The following PPFIA2 variants were observed in gnomAD, a reference collection of about 807,000 sequenced individuals.
PPFIA2 encodes the protein liprin-alpha-2.
In PPFIA2, 46 loss-of-function variants were observed where a neutral mutation model predicts 175.5. That is an observed-to-expected ratio of 0.26 (90% CI 0.21 to 0.34). The LOEUF is 0.34. Among genes scored for constraint, PPFIA2 ranks in the 10% least tolerant of loss-of-function variants. PPFIA2 has a pLI of 1.00. For missense variants in PPFIA2, 1,179 were observed against 1,506.1 expected (o/e 0.78, Z 3.60); for synonymous variants, 568 against 511.4 (o/e 1.11, Z -1.49).
chr12:81,630,881 C>CTATATATA (rs67242917), intron 4 of PPFIA2, among the ~76,000 whole-genome samples: 1 of 140,678 alleles, frequency 7.1e-6, no homozygotes, highest in South Asian at 2.3e-4. Flanking sequence ...TATGGAAAGG[C>CTATATATA]TATATATATA....
intron 26 of PPFIA2, 37 bp from the exon 27 acceptor site, chr12:81,281,487 A>G: frequency 2.1e-6 from 3 of 1,400,236 alleles, no homozygotes; most frequent in Non-Finnish European, 3.0e-6. Context: ...TTCTTAACCA[A>G]TCAGATAAGA....
chr12:81,713,239 T>C (rs2078181511), intron 3 of PPFIA2, among the ~76,000 whole-genome samples: 1 of 151,002 alleles, frequency 6.6e-6, no homozygotes, highest in African/African-American at 2.4e-5. Flanking sequence ...AAAGCAAACT[T>C]ATGAGGCTGG....
chr12:81,753,864 T>G, intron 3 of PPFIA2, 109 bp downstream of exon 3: 1 of 1,351,326 alleles, frequency 7.4e-7, no homozygotes, highest in African/African-American at 1.5e-5. Flanking sequence ...CACCAAAACG[T>G]GTGTATCACA....
intron 4 of PPFIA2, among the ~76,000 whole-genome samples, chr12:81,506,610 T>C (rs2061198377): frequency 1.3e-5 from 2 of 152,230 alleles, no homozygotes; most frequent in Non-Finnish European, 2.9e-5. Context: ...TTTATCTTTT[T>C]CTTGAAACTA....
intron 4 of PPFIA2, among the ~76,000 whole-genome samples, chr12:81,568,540 C>T (rs2071818053): frequency 6.6e-6 from 1 of 152,120 alleles, no homozygotes; most frequent in Admixed American, 6.5e-5. Flanking sequence ...CATGGCTGGC[C>T]CAATTGCAGG....
intron 22 of PPFIA2, among the ~76,000 whole-genome samples, chr12:81,317,086 A>C (rs190561766): frequency 2.1e-3 from 324 of 151,824 alleles, no homozygotes; most frequent in African/African-American, 7.5e-3. Flanking sequence ...ACAACTAATC[A>C]ATGTGATTAT....
At chr12:81,671,950 T>C (rs1448564951) in intron 4 of PPFIA2, among the ~76,000 whole-genome samples, 3 of 151,990 alleles carry the variant, frequency 2.0e-5, no homozygotes, top group Non-Finnish European at 2.9e-5. Flanking sequence ...CTTGCTTTCA[T>C]CTCATCTTGT....
At chr12:81,612,530 T>A (rs1416367847) in intron 4 of PPFIA2, among the ~76,000 whole-genome samples, 1 of 152,200 alleles carries the variant, frequency 6.6e-6, no homozygotes, top group East Asian at 1.9e-4. Context: ...TACCTCAGTC[T>A]TTCTTCCAAG....
intron 3 of PPFIA2, among the ~76,000 whole-genome samples, chr12:81,735,905 C>T (rs974562818): frequency 3.7e-4 from 56 of 151,882 alleles, no homozygotes; most frequent in African/African-American, 1.2e-3. Context: ...CGGGGTTATT[C>T]TTGTACTCTC....
At chr12:81,718,850 C>T (rs1363126195) in intron 3 of PPFIA2, among the ~76,000 whole-genome samples, 4 of 151,536 alleles carry the variant, frequency 2.6e-5, no homozygotes, top group African/African-American at 9.7e-5. Flanking sequence ...CACTGTCTGA[C>T]GTTGGCTTGG....
At chr12:81,629,610 G>A (rs1269992027) in intron 4 of PPFIA2, among the ~76,000 whole-genome samples, 1 of 152,094 alleles carries the variant, frequency 6.6e-6, no homozygotes, top group African/African-American at 2.4e-5. Flanking sequence ...ATAGAAACAA[G>A]GATGAAACGC....
intron 4 of PPFIA2, among the ~76,000 whole-genome samples, chr12:81,552,858 C>T (rs1215942569): frequency 6.6e-6 from 1 of 152,068 alleles, no homozygotes; most frequent in Admixed American, 6.6e-5. Context: ...TATTACAGAT[C>T]TATGCCACCT....
At chr12:81,329,260 A>G (rs1423895387) in intron 21 of PPFIA2, among the ~76,000 whole-genome samples, 2 of 152,136 alleles carry the variant, frequency 1.3e-5, no homozygotes, top group African/African-American at 4.8e-5. Context: ...TTGGGCTTGA[A>G]GGTTTGAGTC....
intron 20 of PPFIA2, among the ~76,000 whole-genome samples, chr12:81,340,710 C>T (rs192248793): frequency 2.0e-4 from 30 of 152,132 alleles, no homozygotes; most frequent in African/African-American, 5.3e-4. Context: ...ACTTTAATTA[C>T]GCTTATACTG....
At chr12:81,667,079 C>A (rs962725924) in intron 4 of PPFIA2, among the ~76,000 whole-genome samples, 5 of 151,978 alleles carry the variant, frequency 3.3e-5, no homozygotes, top group Admixed American at 3.3e-4. Flanking sequence ...TAGCAGTTAC[C>A]CTTTATCATC....
intron 20 of PPFIA2, 29 bp from the exon 21 acceptor site, chr12:81,339,363 G>T: frequency 6.5e-7 from 1 of 1,531,188 alleles, no homozygotes; most frequent in East Asian, 2.4e-5. Context: ...GAAAATACAT[G>T]CAACATCCAC....
intron 7 of PPFIA2, chr12:81,430,711 C>A (rs562249367): frequency 2.6e-5 from 4 of 152,052 alleles, no homozygotes; most frequent in African/African-American, 4.8e-5. Context: ...TCCAGTTTTC[C>A]ATTTAATTCC....
chr12:81,542,105 T>C (rs576956322), intron 4 of PPFIA2, among the ~76,000 whole-genome samples: 2 of 152,212 alleles, frequency 1.3e-5, no homozygotes, highest in Admixed American at 1.3e-4. Flanking sequence ...GTGATTTAAC[T>C]AAGAATTTTG....
At chr12:81,308,828 T>C (rs995267878) in intron 22 of PPFIA2, among the ~76,000 whole-genome samples, 4 of 152,150 alleles carry the variant, frequency 2.6e-5, no homozygotes, top group Admixed American at 2.6e-4. Flanking sequence ...TTTAAATGAA[T>C]GAGATAGAAA....
Sources: allele counts gnomAD v4.1 joint callset (sites outside exome capture counted in the v4.1 genomes callset), GRCh38; gene constraint gnomAD v4.1.1; transcripts MANE v1.5; gene names NCBI Gene and HGNC (gene_info 2026-07-23, HGNC 2026-07-21).